CNTLN: variants seen among roughly 807,000 people sequenced by gnomAD.
CNTLN encodes the protein centlein, centrosomal protein.
CNTLN carries 212 observed loss-of-function variants against 180.0 expected under a neutral mutation model. The observed-to-expected ratio is 1.18, with a 90% CI of 1.05 to 1.32. CNTLN has a LOEUF of 1.32. CNTLN is among the 40% of genes most tolerant of loss of function. The probability of loss-of-function intolerance (pLI) is 0.00; values close to 1 mark genes in which losing one functional copy is unlikely to be tolerated. For missense variants in CNTLN, 2,095 were observed against 1,610.9 expected, an observed-to-expected ratio of 1.30 and a Z score of -5.14; for synonymous variants, 722 against 563.1, an observed-to-expected ratio of 1.28 and a Z score of -3.99.
At chr9:17,311,725 C>T (rs10963024) in intron 8 of CNTLN, among the ~76,000 whole-genome samples, 118,650 of 151,368 alleles carry the variant, frequency 0.78, 47,586 homozygotes, top group Non-Finnish European at 0.87. Flanking sequence ...AGGAGAATTG[C>T]TCCAACGTGG....
At chr9:17,499,273 T>C (rs1441058720) in intron 25 of CNTLN, among the ~76,000 whole-genome samples, 2 of 152,136 alleles carry the variant, frequency 1.3e-5, no homozygotes, top group African/African-American at 2.4e-5. Flanking sequence ...GAAGATTAAA[T>C]TATGTTCCAT....
chr9:17,311,997 G>T (rs530586090), intron 8 of CNTLN, among the ~76,000 whole-genome samples: 1 of 92,806 alleles, frequency 1.1e-5, no homozygotes, highest in South Asian at 3.6e-4. Flanking sequence ...TGACAAAATA[G>T]TCAATAGAAC....
At chr9:17,513,032 A>G in the CNTLN span, among the ~76,000 whole-genome samples, 7,589 of 152,040 alleles carry the variant, frequency 0.05, 494 homozygotes, top group African/African-American at 0.15. Context: ...TGTTAGCCAG[A>G]ATGGTCTCAA....
At chr9:17,339,360 CAT>C (rs1821295832) in intron 10 of CNTLN, among the ~76,000 whole-genome samples, 1 of 152,184 alleles carries the variant, frequency 6.6e-6, no homozygotes, top group Non-Finnish European at 1.5e-5. Flanking sequence ...TCACTGTTAA[CAT>C]GTGGGAAAAG....
At chr9:17,441,245 A>G (rs563294730) in intron 18 of CNTLN, among the ~76,000 whole-genome samples, 2 of 152,304 alleles carry the variant, frequency 1.3e-5, no homozygotes, top group South Asian at 4.1e-4. Flanking sequence ...AAAAGATGCT[A>G]AACAGCAATA....
At chr9:17,376,726 C>G (rs1279154774) in intron 13 of CNTLN, among the ~76,000 whole-genome samples, 1 of 152,116 alleles carries the variant, frequency 6.6e-6, no homozygotes, top group Non-Finnish European at 1.5e-5. Flanking sequence ...GCTGGGATTA[C>G]AGGCGTGAGC....
intron 23 of CNTLN, 136 bp from the exon 24 acceptor site, chr9:17,484,159 A>C: frequency 1.4e-6 from 1 of 694,318 alleles, no homozygotes; most frequent in Non-Finnish European, 2.4e-6. Flanking sequence ...GCAATCCACT[A>C]TATTCCAGAG....
At chr9:17,408,315 C>T (rs984334839) in intron 15 of CNTLN, among the ~76,000 whole-genome samples, 2 of 152,032 alleles carry the variant, frequency 1.3e-5, no homozygotes, top group African/African-American at 4.8e-5. Flanking sequence ...CACACAACCT[C>T]AACACTTCCT....
chr9:17,240,252 ATCAT>A (rs1563912615), intron 5 of CNTLN, among the ~76,000 whole-genome samples: 2 of 152,148 alleles, frequency 1.3e-5, no homozygotes, highest in African/African-American at 4.8e-5. Context: ...TTCTCTTCAG[ATCAT>A]TCATTCATAA....
intron 8 of CNTLN, among the ~76,000 whole-genome samples, chr9:17,316,952 A>C (rs1374865872): frequency 6.6e-6 from 1 of 152,090 alleles, no homozygotes. Context: ...TATTGTCACA[A>C]ATTACATCTT....
In CNTLN at chr9:17,416,153, C is replaced by T. The variant is rs766611293; in HGVS notation, c.3078C>T (p.Ser1026=). 6 of 1,613,154 alleles carry T rather than the reference C, an allele frequency of 3.7e-6. No individual in the cohort carries two copies. The highest frequency in any genetic ancestry group is 2.2e-5 in the South Asian group (2 of 90,958). The part of the protein sequence containing the change: ...NEKLLHQQQV[S]DQRFQTSRQT... ...AGCTCCTCCATCAACAGCAAGTATCCGATCAACGATTTCAGACAAGCAGGC... is the reference window on the plus strand; with the variant it reads ...AGCTCCTCCATCAACAGCAAGTATCTGATCAACGATTTCAGACAAGCAGGC... Residue 1026 remains serine, a synonymous_variant, in exon 18 of 26, where the codon TCC becomes TCT. Coordinates refer to ENST00000380647, the MANE Select transcript of CNTLN (RefSeq NM_017738.4).
chr9:17,288,463 G>C (rs1829139825), intron 6 of CNTLN, among the ~76,000 whole-genome samples: 1 of 142,830 alleles, frequency 7.0e-6, no homozygotes, highest in Non-Finnish European at 1.5e-5. Context: ...GTGGTGTGGT[G>C]CTGAAAAAAA....
At chr9:17,409,570 G>T in intron 16 of CNTLN, 97 bp downstream of exon 16, 1 of 873,686 alleles carries the variant, frequency 1.1e-6, no homozygotes. Context: ...GATTTAATTT[G>T]AATTCTTACA....
At chr9:17,283,034 T>A (rs185795731) in intron 6 of CNTLN, among the ~76,000 whole-genome samples, 3 of 152,234 alleles carry the variant, frequency 2.0e-5, no homozygotes, top group Non-Finnish European at 2.9e-5. Flanking sequence ...TGCCACTGGC[T>A]TTGTTCTTTT....
chr9:17,318,805 T>G (rs551219122), intron 8 of CNTLN, among the ~76,000 whole-genome samples: 1 of 152,128 alleles, frequency 6.6e-6, no homozygotes, highest in Admixed American at 6.5e-5. Context: ...TAGTATTCAG[T>G]CCAACTAGAC....
At chr9:17,187,845 A>T (rs1379753080) in intron 2 of CNTLN, among the ~76,000 whole-genome samples, 2 of 151,574 alleles carry the variant, frequency 1.3e-5, no homozygotes, top group African/African-American at 4.8e-5. Flanking sequence ...AACCTATGTA[A>T]TATGTAACCA....
intron 7 of CNTLN, among the ~76,000 whole-genome samples, chr9:17,307,032 C>G (rs1818764523): frequency 6.6e-6 from 1 of 152,144 alleles, no homozygotes. Context: ...TTCATTGTCC[C>G]TTTAAGCTGT....
intron 2 of CNTLN, among the ~76,000 whole-genome samples, chr9:17,159,494 G>GT (rs1819530365): frequency 6.6e-6 from 1 of 152,168 alleles, no homozygotes; most frequent in Non-Finnish European, 1.5e-5. Context: ...ACAAGCTGGG[G>GT]TCTCAATATG....
chr9:17,344,354 A>T (rs970089782), intron 12 of CNTLN, among the ~76,000 whole-genome samples: 3 of 152,198 alleles, frequency 2.0e-5, no homozygotes, highest in Non-Finnish European at 4.4e-5. Flanking sequence ...GCAATTTGTG[A>T]AATAGTTATT....
Sources: allele counts gnomAD v4.1 joint callset (sites outside exome capture counted in the v4.1 genomes callset), GRCh38; gene constraint gnomAD v4.1.1; transcripts MANE v1.5; gene names NCBI Gene and HGNC (gene_info 2026-07-23, HGNC 2026-07-21).